Variants in NEU4 observed in about 807,000 individuals in gnomAD.
NEU4 encodes sialidase-4.
A neutral mutation model predicts 9.9 loss-of-function variants in NEU4; 7 were observed. The observed-to-expected ratio is 0.71, with a 90% CI of 0.40 to 1.33. The LOEUF (loss-of-function observed/expected upper bound fraction) is 1.33. Among genes scored for constraint, NEU4 ranks in the 40% most tolerant of loss-of-function variants. The probability of loss-of-function intolerance (pLI) is 0.01; values close to 1 mark genes in which losing one functional copy is unlikely to be tolerated. For missense variants in NEU4, 717 were observed against 712.6 expected, an observed-to-expected ratio of 1.01 and a Z score of -0.07; for synonymous variants, 348 against 316.9, an observed-to-expected ratio of 1.10 and a Z score of -1.04.
intron 1 of NEU4, chr2:241,811,728 CT>C (rs1273920832): frequency 2.1e-5 from 8 of 387,652 alleles, no homozygotes; most frequent in Non-Finnish European, 3.2e-5. Context: ...GGGTGTGACA[CT>C]GAGGGTTCCT....
chr2:241,816,289 G>A lies in NEU4; in HGVS notation c.696G>A (p.Gln232=). 4 of 1,577,966 alleles carry A rather than the reference G, an allele frequency of 2.5e-6. No individual in the cohort carries two copies. The highest frequency in any genetic ancestry group is 3.4e-6 in the Non-Finnish European group (4 of 1,163,306). ...AGCTGGCAGCGGTGGACGGTGGGCA[G>A]GCCGGCAGCTTCCTCTACTGCAATG... ...ECQLAAVDGG[Q]AGSFLYCNAR... The change falls in exon 4 of 4, where the codon CAG becomes CAA. Residue 232 remains glutamine (Q), a synonymous_variant. Transcript: ENST00000407683.
rs771137663 is a variant in NEU4, at chr2:241,814,902, T to G, written c.212T>G (p.Leu71Arg). The G allele has an allele frequency of 1.2e-6, 2 of 1,610,040 alleles. No individual in the cohort carries two copies. Among genetic ancestry groups the G allele is most frequent in the Non-Finnish European group, 1.7e-6 (2 of 1,178,384 alleles). The change falls in exon 3 of 4, where the codon CTG becomes CGG. Residue 71 changes from leucine to arginine, a missense_variant. Physicochemically the swap from Leu to Arg is moderately radical, Grantham distance 102 (BLOSUM62 -2). Transcript: ENST00000407683. Reference protein sequence around the residue: ...LAGGSVRWGALHVLGTAALAE... With the variant: ...LAGGSVRWGARHVLGTAALAE... ...TCCTCCTCTGGGCAGTGGGGTGCCC[T>G]GCACGTGCTGGGGACAGCAGCCCTG... is the stretch of plus-strand genomic sequence containing the variant.
At position 241,814,444 on chromosome 2, in the gene NEU4, C is replaced by A. The variant is rs1454844018; in HGVS notation, c.-3-38C>A. On this transcript the variant is annotated intron_variant, in intron 1 of 3. Transcript: ENST00000407683. ...GGGAGCGAGTGTGGGGCTCCCTGGG[C>A]CTGTCTTGCTGACCTGTGGCCCTGT... 4 of 1,585,032 alleles carry A rather than the reference C, an allele frequency of 2.5e-6. No homozygotes were observed. The Admixed American group carries it at 6.8e-5, about 27-fold the overall frequency.
At chr2:241,814,208 G>A in intron 1 of NEU4, 1 of 651,240 alleles carries the variant, frequency 1.5e-6, no homozygotes, top group Non-Finnish European at 2.9e-6. Flanking sequence ...CCTGGCCGAG[G>A]GTCAGCTCCC....
At chr2:241,814,066 G>A in intron 1 of NEU4, 1 of 476,140 alleles carries the variant, frequency 2.1e-6, no homozygotes, top group Middle Eastern at 3.2e-4. Context: ...CCTTGCTCGA[G>A]GTTTTGGGTC....
At chr2:241,814,104 G>T in intron 1 of NEU4, 1 of 550,272 alleles carries the variant, frequency 1.8e-6, no homozygotes, top group Non-Finnish European at 3.6e-6. Context: ...CTCCTGCTGG[G>T]CGAATTCTGG....
chr2:241,815,729 T>G (rs1434026936), intron 3 of NEU4: 1 of 557,218 alleles, frequency 1.8e-6, no homozygotes, highest in African/African-American at 1.9e-5. Flanking sequence ...CAGCAGGGAG[T>G]GCAGCAGACA....
intron 1 of NEU4, chr2:241,811,551 T>G: frequency 8.4e-7 from 1 of 1,191,774 alleles, no homozygotes; most frequent in Non-Finnish European, 1.1e-6. Context: ...TCTGTCCAGC[T>G]GGCCGCCCCC....
At chr2:241,812,017 C>T (rs1273114027) in intron 1 of NEU4, 2 of 152,716 alleles carry the variant, frequency 1.3e-5, no homozygotes, top group East Asian at 1.9e-4. Flanking sequence ...CCAAGATGTT[C>T]CTACCCTGCA....
intron 1 of NEU4, chr2:241,811,441 G>A (rs1465517794): frequency 1.3e-6 from 2 of 1,569,430 alleles, no homozygotes; most frequent in Non-Finnish European, 1.7e-6. Flanking sequence ...GATGAGCTCT[G>A]CAGCCTTCCC....
rs1462608808 is a variant in NEU4, at chr2:241,811,757, A to G, written c.-4+2483A>G. On this transcript the variant is annotated intron_variant, in intron 1 of 3. Coordinates refer to ENST00000407683, the MANE Select transcript of NEU4 (RefSeq NM_001167600.3). ...GGGTTCCTGGGGGCAGATTCAGGGC[A>G]TGGGATGGAGACAGACTGGTTGTGA... 2.7e-5 allele frequency: 10 copies of G among 366,480 alleles called. No individual in the cohort carries two copies. In the Admixed American group the frequency reaches 4.2e-4, roughly 15 times the overall value. 22.7% of individuals were successfully genotyped at this position (366,480 alleles called of 1,614,324 possible).
intron 1 of NEU4, chr2:241,811,483 C>T (rs1234094346): frequency 1.3e-6 from 2 of 1,532,802 alleles, no homozygotes; most frequent in Non-Finnish European, 1.8e-6. Flanking sequence ...CCCTTTGCAC[C>T]CCCAGCACCC....
chr2:241,814,913 G>A lies in NEU4; in HGVS notation c.223G>A (p.Gly75Arg). ...GCAGTGGGGTGCCCTGCACGTGCTGGGGACAGCAGCCCTGGCGGAGCACCG... is the reference window on the plus strand; with the variant it reads ...GCAGTGGGGTGCCCTGCACGTGCTGAGGACAGCAGCCCTGGCGGAGCACCG... ...SVRWGALHVL[G>R]TAALAEHRSM... The change falls in exon 3 of 4, where the codon GGG becomes AGG. Residue 75 changes from glycine to arginine, a missense_variant. Physicochemically the swap from Gly to Arg is moderately radical, Grantham distance 125. Coordinates refer to ENST00000407683, the MANE Select transcript of NEU4 (RefSeq NM_001167600.3). The A allele has an allele frequency of 6.2e-7, 1 of 1,611,560 alleles. No homozygotes were observed. The highest frequency in any genetic ancestry group is 8.5e-7 in the Non-Finnish European group (1 of 1,179,340).
In NEU4 at chr2:241,816,773, A is replaced by G. The variant is rs1390593654; in HGVS notation, c.1180A>G (p.Ile394Val). 9 of 1,586,226 alleles carry G rather than the reference A, an allele frequency of 5.7e-6. No homozygotes were observed. In the East Asian group the frequency reaches 1.2e-4, roughly 20 times the overall value. ...GCGCAGGGCTCGGCTACACATGGGT[A>G]TCCGCCTGAGCCAGTCCCCGCTGGA... is the stretch of plus-strand genomic sequence containing the variant. ...VGRRARLHMGIRLSQSPLDPR... is the reference protein window; with the variant it reads ...VGRRARLHMGVRLSQSPLDPR... Residue 394 changes from isoleucine (I) to valine (V), a missense_variant, in exon 4 of 4, where the codon ATC (isoleucine) becomes GTC (valine). Coordinates refer to ENST00000407683, the MANE Select transcript of NEU4 (RefSeq NM_001167600.3).
rs143733579 is a variant in NEU4, at chr2:241,816,500, C to A, written c.907C>A (p.Pro303Thr). 2,512 of 1,610,262 alleles carry A rather than the reference C, an allele frequency of 1.6e-3. 43 individuals are homozygous for A. In the African/African-American group the frequency reaches 0.029, roughly 19 times the overall value. The stretch of plus-strand genomic sequence containing the variant: ...CAGTTGGTCAGTGGGCCCCGGGAGT[C>A]CCCTCCAGCCTCCACTCCTCGGTCC... Reference protein sequence around the residue: ...DDSWSVGPGSPLQPPLLGPGV... With the variant: ...DDSWSVGPGSTLQPPLLGPGV... The change falls in exon 4 of 4, where the codon CCC (proline) becomes ACC (threonine). Residue 303 changes from proline (P) to threonine (T), a missense_variant. Coordinates refer to ENST00000407683, the MANE Select transcript of NEU4 (RefSeq NM_001167600.3).
Position 241,817,310 on chromosome 2 carries a change from A to G in NEU4, c.*262A>G. 1 of 468,056 alleles carries G rather than the reference A, an allele frequency of 2.1e-6. No individual in the cohort carries two copies. The allele number at this position is 468,056 out of a possible 1,614,324, so 29.0% of individuals were successfully genotyped here. On this transcript the variant is annotated 3_prime_UTR_variant, in exon 4 of 4. Coordinates refer to ENST00000407683, the MANE Select transcript of NEU4 (RefSeq NM_001167600.3). ...CCCCACAGCTCCCTTCCGAGGCTGC[A>G]GGGCCAGGCGCGGGACCGCAGGTAG...
intron 1 of NEU4, chr2:241,813,229 C>G: frequency 1.4e-6 from 1 of 703,722 alleles, no homozygotes; most frequent in Non-Finnish European, 1.8e-6. Context: ...TGGGTCCCGC[C>G]TGACCCGTGG....
At position 241,812,803 on chromosome 2, in the gene NEU4, C is replaced by T. The variant is rs567964171; in HGVS notation, c.-3-1679C>T. On this transcript the variant is annotated intron_variant, in intron 1 of 3. Transcript: ENST00000407683. ...CTGGTTTCTGGAGTCTCCTCCTCTC[C>T]CTCTCTGTCCCCAGGGGTGGGCCTG... Among the ~76,000 whole-genome samples the T allele has an allele frequency of 2.7e-3, 413 of 151,836 alleles. 1 individual carries two copies. Among genetic ancestry groups the T allele is most frequent in the Middle Eastern group, 0.014 (4 of 292 alleles).
chr2:241,817,302 G>T lies in NEU4; in HGVS notation c.*254G>T. The stretch of plus-strand genomic sequence containing the variant: ...TGGGTGACCCCCACAGCTCCCTTCC[G>T]AGGCTGCAGGGCCAGGCGCGGGACC... On this transcript the variant is annotated 3_prime_UTR_variant, in exon 4 of 4. Coordinates refer to ENST00000407683, the MANE Select transcript of NEU4 (RefSeq NM_001167600.3). The T allele has an allele frequency of 2.1e-6, 1 of 479,970 alleles. No homozygotes were observed. The allele number at this position is 479,970 out of a possible 1,614,324, so 29.7% of individuals were successfully genotyped here. A position where few individuals can be genotyped will look rare whatever the true frequency, so the allele number is the denominator to read the frequency against.
Sources: allele counts gnomAD v4.1 joint callset (sites outside exome capture counted in the v4.1 genomes callset), GRCh38; gene constraint gnomAD v4.1.1; transcripts MANE v1.5; gene names NCBI Gene and HGNC (gene_info 2026-07-23, HGNC 2026-07-21).